ELP1: variants seen among roughly 807,000 people sequenced by gnomAD.
ELP1 encodes elongator complex protein 1.
A neutral mutation model predicts 183.2 loss-of-function variants in ELP1; 131 were observed. The ratio of observed to expected loss-of-function variants is 0.72; its 90% CI spans 0.62 to 0.83. ELP1 has a LOEUF of 0.83. ELP1 is among the 40% of genes least tolerant of loss of function. The pLI, the probability that ELP1 is intolerant of heterozygous loss-of-function variation, is 0.00. For synonymous variants in ELP1, 555 were observed against 569.0 expected, an observed-to-expected ratio of 0.98 and a Z score of 0.35; for missense variants, 1,550 against 1,594.9, an observed-to-expected ratio of 0.97 and a Z score of 0.48.
chr9:108,917,062 C>CA (rs1457073694), intron 9 of ELP1, among the ~76,000 whole-genome samples: 1 of 152,154 alleles, frequency 6.6e-6, no homozygotes, highest in East Asian at 1.9e-4. Context: ...CTATTATTTG[C>CA]AAAATCACTG....
rs146078543 is a variant in ELP1 at position 108,872,008 on chromosome 9, C to T, written c.3932-2826G>A. On this transcript the variant is annotated intron_variant, in intron 36 of 36. Coordinates refer to ENST00000374647, the MANE Select transcript of ELP1 (RefSeq NM_003640.5). ...GCAGACCTCAATCTATAGTACATAT[C>T]GAGCAAGTCAACTTTTTCTTGTAAT... Among the ~76,000 whole-genome samples, 181 of 152,308 alleles carry T rather than the reference C, an allele frequency of 1.2e-3. 6 individuals are homozygous for T. The East Asian group carries it at 0.033, about 28-fold the overall frequency.
At chr9:108,904,560 A>C (rs1828948545) in intron 14 of ELP1, among the ~76,000 whole-genome samples, 1 of 152,184 alleles carries the variant, frequency 6.6e-6, no homozygotes, top group Non-Finnish European at 1.5e-5. Context: ...TTCCTCTACA[A>C]ATGCTTCAAA....
chr9:108,873,508 G>T (rs1330470291), intron 36 of ELP1, among the ~76,000 whole-genome samples: 1 of 152,204 alleles, frequency 6.6e-6, no homozygotes, highest in Non-Finnish European at 1.5e-5. Context: ...AAATATTACA[G>T]AGTGTCTTTA....
At chr9:108,931,975 A>C (rs1830016047) in intron 1 of ELP1, among the ~76,000 whole-genome samples, 1 of 152,176 alleles carries the variant, frequency 6.6e-6, no homozygotes, top group Non-Finnish European at 1.5e-5. Flanking sequence ...TAGGGGAAAA[A>C]AATGTTACTG....
At chr9:108,882,294 G>GAGATA in intron 29 of ELP1, 107 bp from the exon 30 acceptor site, 4 of 860,736 alleles carry the variant, frequency 4.6e-6, no homozygotes, top group Non-Finnish European at 7.7e-6. Flanking sequence ...CCTGGCCAGG[G>GAGATA]GAGAACTCCT....
intron 36 of ELP1, among the ~76,000 whole-genome samples, chr9:108,871,705 T>G (rs1222713312): frequency 6.6e-6 from 1 of 152,236 alleles, no homozygotes; most frequent in Non-Finnish European, 1.5e-5. Flanking sequence ...CATTAAATTC[T>G]CCAGCTTTGA....
intron 36 of ELP1, among the ~76,000 whole-genome samples, chr9:108,872,803 T>TCAAAACAAAACAAAA (rs1564207087): frequency 1.6e-5 from 1 of 62,788 alleles, no homozygotes; most frequent in African/African-American, 7.8e-5. Flanking sequence ...AGACTCTGTC[T>TCAAAACAAAACAAAA]GAAAAAAAAA....
At chr9:108,923,678 A>C (rs147951841) in intron 5 of ELP1, among the ~76,000 whole-genome samples, 96 of 152,322 alleles carry the variant, frequency 6.3e-4, no homozygotes, top group African/African-American at 2.2e-3. Context: ...ATAGACTTAG[A>C]GATTGAGACC....
At chr9:108,912,646 A>C (rs1161152885) in intron 10 of ELP1, 152 bp from the exon 11 acceptor site, 1 of 659,422 alleles carries the variant, frequency 1.5e-6, no homozygotes, top group Non-Finnish European at 2.7e-6. Flanking sequence ...ACTGCCAAAA[A>C]ATAGCTTTCC....
At chr9:108,928,210 A>T (rs931563018) in intron 3 of ELP1, among the ~76,000 whole-genome samples, 1 of 152,186 alleles carries the variant, frequency 6.6e-6, no homozygotes, top group African/African-American at 2.4e-5. Flanking sequence ...TAAAACAAGA[A>T]CTTACTCAAC....
At chr9:108,872,571 G>A (rs552857271) in intron 36 of ELP1, among the ~76,000 whole-genome samples, 75 of 151,996 alleles carry the variant, frequency 4.9e-4, no homozygotes, top group East Asian at 4.8e-3. Context: ...TTGGGAGGCC[G>A]AGGCGGGTGG....
intron 34 of ELP1, among the ~76,000 whole-genome samples, 186 bp downstream of exon 34, chr9:108,878,437 T>A (rs1226924600): frequency 6.6e-6 from 1 of 152,164 alleles, no homozygotes; most frequent in East Asian, 1.9e-4. Context: ...GAGGAAGGCT[T>A]CTCAGTTACC....
rs1828595619 is a variant in ELP1 at position 108,897,297 on chromosome 9, T to G, written c.2364-12A>C. 27 of 1,613,746 alleles carry G rather than the reference T, an allele frequency of 1.7e-5. No individual in the cohort carries two copies. Among genetic ancestry groups the G allele is most frequent in the Non-Finnish European group, 2.2e-5 (26 of 1,179,996 alleles). On this transcript the variant is annotated splice_polypyrimidine_tract_variant and intron_variant, in intron 22 of 36. Coordinates refer to ENST00000374647, the MANE Select transcript of ELP1 (RefSeq NM_003640.5). ...TGACATCTTCTTCTCTAAGAACAGG[T>G]GTGTATGGAATGGTCATCAACAGAA...
chr9:108,897,775 G>C (rs1328988985), intron 22 of ELP1, among the ~76,000 whole-genome samples: 3 of 152,202 alleles, frequency 2.0e-5, no homozygotes, highest in Admixed American at 2.0e-4. Context: ...TGATTGAAAG[G>C]AATCTGAAGC....
intron 29 of ELP1, among the ~76,000 whole-genome samples, chr9:108,887,068 G>A (rs1439666800): frequency 6.6e-6 from 1 of 152,022 alleles, no homozygotes; most frequent in Non-Finnish European, 1.5e-5. Flanking sequence ...AATTAGCCAG[G>A]CATGGTGGCA....
At position 108,902,853 on chromosome 9, in the gene ELP1, T is replaced by C. The variant is rs568478937; in HGVS notation, c.1840A>G (p.Met614Val). ...PYPCTQTELA[M>V]IGEEECVLGL... ...TGTTCACCTACCTCTTCTCCAATCA[T>C]GGCCAATTCGGTCTGGGTGCATGGA... Residue 614 changes from methionine (M) to valine (V), a missense_variant, in exon 16 of 37, where the codon ATG becomes GTG. Met to Val is a conservative substitution (Grantham distance 21, BLOSUM62 1). Coordinates refer to ENST00000374647, the MANE Select transcript of ELP1 (RefSeq NM_003640.5). 4 of 1,613,384 alleles carry C rather than the reference T, an allele frequency of 2.5e-6. No homozygotes were observed. The highest frequency in any genetic ancestry group is 1.3e-5 in the African/African-American group (1 of 75,012).
intron 36 of ELP1, among the ~76,000 whole-genome samples, chr9:108,871,371 T>A (rs540619942): frequency 1.7e-4 from 26 of 152,156 alleles, no homozygotes; most frequent in Non-Finnish European, 3.8e-4. Context: ...TTCTCCAGTA[T>A]CAAAAGAACT....
intron 18 of ELP1, among the ~76,000 whole-genome samples, chr9:108,901,163 A>C (rs1828788298): frequency 1.3e-5 from 2 of 152,202 alleles, no homozygotes; most frequent in Non-Finnish European, 2.9e-5. Flanking sequence ...TTACATAATA[A>C]AATTTCCTGA....
chr9:108,891,065 T>C lies in ELP1; in HGVS notation c.3160+138A>G, dbSNP rs558386221. On this transcript the variant is annotated intron_variant, in intron 28 of 36. Coordinates refer to ENST00000374647, the MANE Select transcript of ELP1 (RefSeq NM_003640.5). Reference sequence around the variant, plus strand: ...CTGTAGTAGCTTATCCTTTAAAGCATTCTAAATTAATTTTTATCAGTGAGA... The same window carrying C: ...CTGTAGTAGCTTATCCTTTAAAGCACTCTAAATTAATTTTTATCAGTGAGA... 2.9e-5 allele frequency: 24 copies of C among 839,394 alleles called. No homozygotes were observed. In the East Asian group the frequency reaches 4.4e-4, roughly 15 times the overall value. The allele number at this position is 839,394 out of a possible 1,614,324, so 52.0% of individuals were successfully genotyped here.
Sources: gnomAD v4.1 joint callset for allele counts (sites outside exome capture counted in the v4.1 genomes callset) on GRCh38, gnomAD v4.1.1 for gene constraint, MANE v1.5 for transcripts, NCBI Gene and HGNC (gene_info 2026-07-23, HGNC 2026-07-21) for gene names.